SLC38A6: variants seen among roughly 807,000 people sequenced by gnomAD.
SLC38A6 encodes the protein N system amino acid transporter NAT-1.
A neutral mutation model predicts 65.0 loss-of-function variants in SLC38A6; 73 were observed. The ratio of observed to expected loss-of-function variants is 1.12; its 90% CI spans 0.93 to 1.37. SLC38A6 has a LOEUF of 1.37. Among genes scored for constraint, SLC38A6 ranks in the 40% most tolerant of loss-of-function variants. The probability of loss-of-function intolerance (pLI) is 0.00; values close to 1 mark genes in which losing one functional copy is unlikely to be tolerated. For missense variants in SLC38A6, 561 were observed against 531.1 expected (o/e 1.06, Z -0.55); for synonymous variants, 183 against 178.8 (o/e 1.02, Z -0.19).
downstream of SLC38A6, among the ~76,000 whole-genome samples, chr14:61,053,414 A>T (rs2042600803): frequency 6.6e-6 from 1 of 152,100 alleles, no homozygotes; most frequent in African/African-American, 2.4e-5. Context: ...CAGTAATGGG[A>T]TTGCTGGGAT....
chr14:60,991,180 C>T (rs1283990299), intron 3 of SLC38A6, among the ~76,000 whole-genome samples: 1 of 152,134 alleles, frequency 6.6e-6, no homozygotes. Flanking sequence ...CAAAATCCTC[C>T]AGTTGCTTCC....
At chr14:61,011,285 G>A (rs935761076) in intron 3 of SLC38A6, among the ~76,000 whole-genome samples, 3 of 152,204 alleles carry the variant, frequency 2.0e-5, no homozygotes, top group Non-Finnish European at 2.9e-5. Context: ...TTTGGGCCGA[G>A]ATGGTGGGGT....
At chr14:61,034,474 A>G (rs2041215717) in intron 6 of SLC38A6, among the ~76,000 whole-genome samples, 1 of 152,092 alleles carries the variant, frequency 6.6e-6, no homozygotes, top group African/African-American at 2.4e-5. Context: ...AACAGATGGA[A>G]TCTCCTTTGG....
At chr14:61,000,218 T>TG (rs1304814925) in intron 3 of SLC38A6, among the ~76,000 whole-genome samples, 1 of 152,232 alleles carries the variant, frequency 6.6e-6, no homozygotes, top group Admixed American at 6.5e-5. Context: ...ACAGAGAGTA[T>TG]TTAATAAAAG....
intron 3 of SLC38A6, among the ~76,000 whole-genome samples, chr14:61,006,076 G>T (rs1474629083): frequency 6.6e-6 from 1 of 152,206 alleles, no homozygotes; most frequent in Admixed American, 6.5e-5. Flanking sequence ...AAGCAATGGG[G>T]AAGGGATTCC....
At chr14:61,011,814 G>A (rs1434463540) in intron 3 of SLC38A6, among the ~76,000 whole-genome samples, 6 of 152,180 alleles carry the variant, frequency 3.9e-5, no homozygotes, top group Admixed American at 3.3e-4. Context: ...TTGCATCGAT[G>A]TTCATCAGGG....
At chr14:60,988,736 A>T (rs2037641462) in intron 3 of SLC38A6, among the ~76,000 whole-genome samples, 1 of 152,100 alleles carries the variant, frequency 6.6e-6, no homozygotes, top group South Asian at 2.1e-4. Context: ...ACTCATTCTT[A>T]CTTCCCTCTT....
At chr14:61,064,528 T>C (rs2042962105) in intron 15 of SLC38A6, among the ~76,000 whole-genome samples, 1 of 150,576 alleles carries the variant, frequency 6.6e-6, no homozygotes, top group African/African-American at 2.5e-5. Flanking sequence ...AAATTATTTG[T>C]GCAGGTATTC....
chr14:61,046,868 G>A (rs1236909182), intron 12 of SLC38A6, among the ~76,000 whole-genome samples: 1 of 152,114 alleles, frequency 6.6e-6, no homozygotes, highest in Non-Finnish European at 1.5e-5. Flanking sequence ...TGAGCATGGT[G>A]CCCTGCTAGA....
chr14:61,053,399 A>G (rs903949542), downstream of SLC38A6, among the ~76,000 whole-genome samples: 2 of 152,164 alleles, frequency 1.3e-5, no homozygotes. Context: ...CTTGGGGTAT[A>G]TATTCAGTAA....
chr14:61,002,177 A>G (rs1165586090), intron 3 of SLC38A6: 1 of 152,216 alleles, frequency 6.6e-6, no homozygotes, highest in African/African-American at 2.4e-5. Context: ...GAATGTTCCT[A>G]GTATTCTAGC....
intron 16 of SLC38A6, among the ~76,000 whole-genome samples, chr14:61,082,759 A>G (rs2043706969): frequency 6.6e-6 from 1 of 152,102 alleles, no homozygotes. Context: ...TGCAGGGATC[A>G]TGCCTCTGGG....
intron 3 of SLC38A6, among the ~76,000 whole-genome samples, chr14:61,007,962 GA>G (rs892859385): frequency 6.6e-6 from 1 of 151,308 alleles, no homozygotes; most frequent in African/African-American, 2.4e-5. Flanking sequence ...TATGTGATTT[GA>G]AAAAAAAGAA....
chr14:61,047,237 A>C (rs751826760), intron 12 of SLC38A6, among the ~76,000 whole-genome samples: 1 of 152,178 alleles, frequency 6.6e-6, no homozygotes, highest in Non-Finnish European at 1.5e-5. Context: ...TGGCTTGCCA[A>C]TATCCAGGCT....
chr14:61,037,615 T>C lies in SLC38A6; in HGVS notation c.566-10T>C, dbSNP rs545028957. 7.6e-6 allele frequency: 12 copies of C among 1,575,566 alleles called. No homozygotes were observed. In the African/African-American group the frequency reaches 1.2e-4, roughly 16 times the overall value. On this transcript the variant is annotated splice_polypyrimidine_tract_variant and intron_variant, in intron 7 of 15. Coordinates refer to ENST00000267488, the MANE Select transcript of SLC38A6 (RefSeq NM_153811.3). ...TATAAATTGCTTTTTATTTTACTGT[T>C]ATTTTACAGGCTTTCTTGGCTACAC...
In SLC38A6 at chr14:61,052,110, A is replaced by AT; in HGVS notation, c.1269dup (p.Leu424SerfsTer22). ...TTTTATCTTAAACTTAGCAGAGAGGATTTTCTGTCATGGAAAAAGCTTGGG... is the reference window on the plus strand; with the variant it reads ...TTTTATCTTAAACTTAGCAGAGAGGATTTTTCTGTCATGGAAAAAGCTTGGG... On this transcript the variant is annotated frameshift_variant, in exon 15 of 16. Coordinates refer to ENST00000267488, the MANE Select transcript of SLC38A6 (RefSeq NM_153811.3). LOFTEE classifies it high-confidence loss of function. The AT allele has an allele frequency of 6.4e-7, 1 of 1,563,102 alleles. No homozygotes were observed. The highest frequency in any genetic ancestry group is 8.6e-7 in the Non-Finnish European group (1 of 1,165,768).
chr14:60,988,179 T>G (rs1397207328), intron 3 of SLC38A6, among the ~76,000 whole-genome samples: 1 of 152,214 alleles, frequency 6.6e-6, no homozygotes, highest in Non-Finnish European at 1.5e-5. Flanking sequence ...GTGGTCAGTC[T>G]TTTCTCTTTA....
intron 3 of SLC38A6, among the ~76,000 whole-genome samples, chr14:60,988,339 C>CT (rs2037607734): frequency 1.3e-5 from 2 of 152,154 alleles, no homozygotes; most frequent in African/African-American, 4.8e-5. Flanking sequence ...CATCTATAGA[C>CT]TCCTAGACCA....
intron 6 of SLC38A6, among the ~76,000 whole-genome samples, chr14:61,033,793 T>G (rs2041162630): frequency 6.6e-6 from 1 of 152,144 alleles, no homozygotes. Context: ...GTATTTAAAA[T>G]TGGCTTTATT....
Sources: allele counts gnomAD v4.1 joint callset (sites outside exome capture counted in the v4.1 genomes callset), GRCh38; gene constraint gnomAD v4.1.1; transcripts MANE v1.5; gene names NCBI Gene and HGNC (gene_info 2026-07-23, HGNC 2026-07-21).